Variants in PPP4R1 observed in about 807,000 individuals in gnomAD.
PPP4R1 encodes protein phosphatase 4 regulatory subunit 1.
Under a neutral mutation model 111.2 loss-of-function variants are expected in PPP4R1, and 42 were observed. The ratio of observed to expected loss-of-function variants is 0.38; its 90% CI spans 0.29 to 0.49. The LOEUF (loss-of-function observed/expected upper bound fraction) is 0.49, where lower values mean the gene tolerates loss of function less well. Ranked by LOEUF, PPP4R1 falls within the 20% of genes least tolerant of loss-of-function variation. PPP4R1 has a pLI of 0.97. For missense variants in PPP4R1, 1,012 were observed against 1,161.6 expected, an observed-to-expected ratio of 0.87 and a Z score of 1.87; for synonymous variants, 409 against 405.5, an observed-to-expected ratio of 1.01 and a Z score of -0.10.
chr18:9,597,913 T>A (rs1248788667), intron 2 of PPP4R1, among the ~76,000 whole-genome samples: 1 of 151,770 alleles, frequency 6.6e-6, no homozygotes, highest in African/African-American at 2.4e-5. Flanking sequence ...GATAAGAACA[T>A]TGAAAGTTAT....
chr18:9,579,175 C>T (rs1171288774), intron 9 of PPP4R1, among the ~76,000 whole-genome samples: 1 of 152,120 alleles, frequency 6.6e-6, no homozygotes, highest in Non-Finnish European at 1.5e-5. Context: ...CATCCCACTG[C>T]CTGTAATTGA....
Position 9,614,164 on chromosome 18 carries a change from CG to C in PPP4R1, c.52+61del. On this transcript the variant is annotated intron_variant, in intron 2 of 19. Coordinates refer to ENST00000400556, the MANE Select transcript of PPP4R1 (RefSeq NM_001042388.3). This position sits in a 1 kb window ranked among gnomAD's most constrained non-coding sequence, Gnocchi z 4.1. ...CAGGGCCCGGCCCAGGCCTCGCCGC[CG>C]CCCGCCCTCCCCGGCCGCTCCCCGC... 7.8e-7 allele frequency: 1 copy of C among 1,276,648 alleles called. No individual in the cohort carries two copies. The highest frequency in any genetic ancestry group is 1.0e-6 in the Non-Finnish European group (1 of 996,336). 79.1% of individuals were successfully genotyped at this position (1,276,648 alleles called of 1,614,324 possible).
chr18:9,600,027 C>G (rs570861699), intron 2 of PPP4R1, among the ~76,000 whole-genome samples: 1 of 151,982 alleles, frequency 6.6e-6, no homozygotes, highest in Non-Finnish European at 1.5e-5. Flanking sequence ...AATTTAAATG[C>G]AGACTGTTAT....
At chr18:9,551,736 T>G (rs1463412392) in intron 16 of PPP4R1, 2 of 152,202 alleles carry the variant, frequency 1.3e-5, no homozygotes, top group African/African-American at 4.8e-5. Flanking sequence ...TAATGCTCCT[T>G]ATTCCAGGAG....
chr18:9,556,041 G>A (rs866458511), intron 15 of PPP4R1, among the ~76,000 whole-genome samples: 22 of 151,116 alleles, frequency 1.5e-4, no homozygotes, highest in East Asian at 4.0e-4. Context: ...CGCACCTGTA[G>A]TCCCAGCTAC....
intron 9 of PPP4R1, among the ~76,000 whole-genome samples, chr18:9,581,503 T>TTA (rs2067028493): frequency 2.0e-5 from 3 of 151,372 alleles, no homozygotes; most frequent in Non-Finnish European, 4.4e-5. Flanking sequence ...TGAAGATAGA[T>TTA]CAATAGAGAT....
chr18:9,592,141 T>C (rs2067221677), intron 4 of PPP4R1, among the ~76,000 whole-genome samples: 1 of 152,174 alleles, frequency 6.6e-6, no homozygotes, highest in Admixed American at 6.5e-5. Flanking sequence ...TTTTTCACCA[T>C]ATCAGTTCAT....
Position 9,614,054 on chromosome 18 carries a change from T to C in PPP4R1, c.52+172A>G. 4 of 441,742 alleles carry C rather than the reference T, an allele frequency of 9.1e-6. No individual in the cohort carries two copies. The highest frequency in any genetic ancestry group is 1.4e-5 in the Non-Finnish European group (4 of 290,544). 27.4% of individuals were successfully genotyped at this position (441,742 alleles called of 1,614,324 possible). On this transcript the variant is annotated intron_variant, in intron 2 of 19. Coordinates refer to ENST00000400556, the MANE Select transcript of PPP4R1 (RefSeq NM_001042388.3). This position sits in a 1 kb window ranked among gnomAD's most constrained non-coding sequence, Gnocchi z 4.1. ...CCCCCAGCGGAACCTGGGCGCGCCG[T>C]TTCCTCACGGACGCGAGATTTTCCC... is the stretch of plus-strand genomic sequence containing the variant.
At chr18:9,609,005 C>T (rs188852971) in intron 2 of PPP4R1, among the ~76,000 whole-genome samples, 82 of 152,130 alleles carry the variant, frequency 5.4e-4, no homozygotes, top group African/African-American at 1.9e-3. Flanking sequence ...GGCAGTGGAT[C>T]GTGTAGCTAC....
intron 2 of PPP4R1, among the ~76,000 whole-genome samples, chr18:9,597,451 T>A (rs1444524938): frequency 1.3e-5 from 2 of 152,208 alleles, no homozygotes; most frequent in East Asian, 3.8e-4. Flanking sequence ...AAAGTCCCTT[T>A]GAGTCTTTAG....
chr18:9,577,373 T>C (rs2066953344), intron 9 of PPP4R1, among the ~76,000 whole-genome samples, 182 bp from the exon 10 acceptor site: 1 of 152,194 alleles, frequency 6.6e-6, no homozygotes, highest in Non-Finnish European at 1.5e-5. Flanking sequence ...TCTTACAAGC[T>C]ATTTTCTCTG....
rs1298141799 is a variant in PPP4R1 at position 9,592,277 on chromosome 18, A to G, written c.295+1491T>C. Among the ~76,000 whole-genome samples, 6 of 152,270 alleles carry G rather than the reference A, an allele frequency of 3.9e-5. No individual in the cohort carries two copies. The East Asian group carries it at 1.2e-3, about 29-fold the overall frequency. ...CCTAATTTTTCTAACCTGGAAACTC[A>G]GCAGGTTAGTCTCATTGTCAGGTTG... On this transcript the variant is annotated intron_variant, in intron 4 of 19. Coordinates refer to ENST00000400556, the MANE Select transcript of PPP4R1 (RefSeq NM_001042388.3).
In PPP4R1 at chr18:9,559,611, G is replaced by A. The variant is rs562187334; in HGVS notation, c.1843-7C>T. ...ACGCCTGAGGTACAACATCCTAATG[G>A]AGAAAGAGAAACCACAGTGACTGAG... On this transcript the variant is annotated splice_region_variant and splice_polypyrimidine_tract_variant and intron_variant, in intron 13 of 19. Transcript: ENST00000400556. 1 of 1,558,760 alleles carries A rather than the reference G, an allele frequency of 6.4e-7. No individual in the cohort carries two copies. The highest frequency in any genetic ancestry group is 1.2e-5 in the South Asian group (1 of 81,082).
chr18:9,605,321 A>C (rs1312571185), intron 2 of PPP4R1, among the ~76,000 whole-genome samples: 1 of 152,206 alleles, frequency 6.6e-6, no homozygotes, highest in East Asian at 1.9e-4. Flanking sequence ...CAGCTAGTAA[A>C]TGCAATTAAT....
chr18:9,585,101 T>C (rs1157985404), intron 6 of PPP4R1, among the ~76,000 whole-genome samples: 1 of 152,206 alleles, frequency 6.6e-6, no homozygotes, highest in Non-Finnish European at 1.5e-5. Context: ...AATTTCATTT[T>C]TGTCCACAGT....
chr18:9,603,678 C>A (rs1481158352), intron 2 of PPP4R1, among the ~76,000 whole-genome samples: 1 of 152,006 alleles, frequency 6.6e-6, no homozygotes, highest in Non-Finnish European at 1.5e-5. Context: ...TGTAGAGCTG[C>A]TGGTCTATGT....
intron 13 of PPP4R1, among the ~76,000 whole-genome samples, chr18:9,561,127 G>C (rs2066667417): frequency 6.7e-6 from 1 of 149,252 alleles, no homozygotes. Context: ...GCTGAGGCAG[G>C]AGAACTGCTT....
chr18:9,578,722 G>C (rs1260227190), intron 9 of PPP4R1, among the ~76,000 whole-genome samples: 1 of 152,024 alleles, frequency 6.6e-6, no homozygotes, highest in East Asian at 1.9e-4. Context: ...TTTTAAAAAG[G>C]CTAGAATTAT....
At position 9,570,215 on chromosome 18, in the gene PPP4R1, C is replaced by T. The variant is rs1288269930; in HGVS notation, c.1515G>A (p.Lys505=). Residue 505 remains lysine (K), a synonymous_variant, in exon 11 of 20, where the codon AAG becomes AAA. Transcript: ENST00000400556. ...GATTTTCTATCATTTCTTCCAGTTC[C>T]TTTCTGGTGGCCATGGTGATGTTTG... ...SSPNITMATR[K]ELEEMIENLE... 1 of 1,566,644 alleles carries T rather than the reference C, an allele frequency of 6.4e-7. No homozygotes were observed. Among genetic ancestry groups the T allele is most frequent in the Non-Finnish European group, 8.6e-7 (1 of 1,159,862 alleles).
Sources: gnomAD v4.1 joint callset for allele counts (sites outside exome capture counted in the v4.1 genomes callset) on GRCh38, gnomAD v4.1.1 for gene constraint, Gnocchi (gnomAD v3.1) non-coding constraint, MANE v1.5 for transcripts, NCBI Gene and HGNC (gene_info 2026-07-23, HGNC 2026-07-21) for gene names.